CCDC85A: variants seen among roughly 807,000 people sequenced by gnomAD.
CCDC85A encodes coiled-coil domain containing 85A, also known as coiled-coil domain-containing protein 85A.
Under a neutral mutation model 50.2 loss-of-function variants are expected in CCDC85A, and 38 were observed. That is an observed-to-expected ratio of 0.76 (90% CI 0.58 to 0.99). The LOEUF (loss-of-function observed/expected upper bound fraction) is 0.99, where lower values mean the gene tolerates loss of function less well. Ranked by LOEUF, CCDC85A falls within the 50% of genes least tolerant of loss-of-function variation. The pLI is 0.00. For missense variants in CCDC85A, 820 were observed against 742.0 expected (o/e 1.11, Z -1.22); for synonymous variants, 366 against 301.4 (o/e 1.21, Z -2.22).
intron 2 of CCDC85A, among the ~76,000 whole-genome samples, chr2:56,325,580 A>G (rs530184106): frequency 2.0e-5 from 3 of 152,242 alleles, no homozygotes; most frequent in Non-Finnish European, 2.9e-5. Context: ...CAGAGTGAAC[A>G]TTTCCTTGGA....
Position 56,184,710 on chromosome 2 carries a change from C to T in CCDC85A, c.86C>T (p.Pro29Leu), listed in dbSNP as rs1160922199. The T allele has an allele frequency of 3.9e-6, 6 of 1,529,496 alleles. No individual in the cohort carries two copies. Among genetic ancestry groups the T allele is most frequent in the South Asian group, 3.7e-5 (3 of 82,166 alleles). The allele number at this position is 1,529,496 out of a possible 1,614,324, so 94.7% of individuals were successfully genotyped here. Residue 29 changes from proline to leucine, a missense_variant, in exon 1 of 6, where the codon CCG becomes CTG. Pro to Leu is a moderately conservative substitution (Grantham distance 98). Transcript: ENST00000407595. ...GCCCCGGCCGGCTCGTCCGCGGCCC[C>T]GCCCGCGCCGGTGGAGGACCTGTCC... ...SPAPAGSSAAPPAPVEDLSKV... is the reference protein window; with the variant it reads ...SPAPAGSSAALPAPVEDLSKV...
intron 2 of CCDC85A, among the ~76,000 whole-genome samples, chr2:56,215,577 GTT>G (rs11295380): frequency 0.044 from 6,074 of 136,900 alleles, 151 homozygotes; most frequent in Non-Finnish European, 0.054. Context: ...TTTGCTGATA[GTT>G]TTTTTTTTTT....
intron 3 of CCDC85A, among the ~76,000 whole-genome samples, chr2:56,362,622 G>A (rs1675588842): frequency 6.6e-6 from 1 of 151,498 alleles, no homozygotes; most frequent in Admixed American, 6.6e-5. Flanking sequence ...TTAAGATGAA[G>A]TCTCGCTCTG....
At chr2:56,331,512 A>G (rs1336107232) in intron 2 of CCDC85A, among the ~76,000 whole-genome samples, 1 of 152,226 alleles carries the variant, frequency 6.6e-6, no homozygotes, top group African/African-American at 2.4e-5. Flanking sequence ...ACAAAACTGC[A>G]CTTGTACCTT....
At chr2:56,209,081 G>A (rs952894621) in intron 2 of CCDC85A, among the ~76,000 whole-genome samples, 6 of 152,084 alleles carry the variant, frequency 3.9e-5, no homozygotes, top group African/African-American at 1.4e-4. Context: ...ACCCTGCTCT[G>A]AAGGCCTGGT....
At chr2:56,358,791 CT>C (rs34321150) in intron 3 of CCDC85A, among the ~76,000 whole-genome samples, 10 of 148,136 alleles carry the variant, frequency 6.8e-5, no homozygotes, top group South Asian at 4.3e-4. Flanking sequence ...TTTTTTCTTT[CT>C]TTTTTTTTTG....
intron 2 of CCDC85A, among the ~76,000 whole-genome samples, chr2:56,196,358 C>T (rs1676518841): frequency 6.6e-6 from 1 of 152,210 alleles, no homozygotes; most frequent in Non-Finnish European, 1.5e-5. Flanking sequence ...TCTAGGCATT[C>T]AGGCATTTGT....
chr2:56,201,839 T>G (rs2103852812), intron 2 of CCDC85A, among the ~76,000 whole-genome samples: 1 of 152,238 alleles, frequency 6.6e-6, no homozygotes, highest in Non-Finnish European at 1.5e-5. Context: ...ATCATAGAAC[T>G]TAAAGCCATA....
At chr2:56,191,893 C>G (rs1455051273) in intron 1 of CCDC85A, among the ~76,000 whole-genome samples, 1 of 152,314 alleles carries the variant, frequency 6.6e-6, no homozygotes, top group East Asian at 1.9e-4. Flanking sequence ...TTGCTGTTTA[C>G]TCTGTTGAAA....
chr2:56,342,149 G>A (rs1674404104), intron 2 of CCDC85A, among the ~76,000 whole-genome samples: 1 of 150,936 alleles, frequency 6.6e-6, no homozygotes, highest in Non-Finnish European at 1.5e-5. Context: ...GAGGCTGGTT[G>A]GTGTGCAAAA....
intron 5 of CCDC85A, 48 bp downstream of exon 5, chr2:56,375,983 C>T (rs72803075): frequency 8.8e-6 from 14 of 1,590,946 alleles, no homozygotes; most frequent in South Asian, 2.3e-5. Context: ...GTTGTGTCGT[C>T]GCTTGTTCGC....
intron 2 of CCDC85A, among the ~76,000 whole-genome samples, chr2:56,193,764 T>G (rs1676420323): frequency 6.6e-6 from 1 of 152,058 alleles, no homozygotes; most frequent in Non-Finnish European, 1.5e-5. Context: ...ATTCTAAGAG[T>G]CTTTCATCTT....
intron 2 of CCDC85A, among the ~76,000 whole-genome samples, chr2:56,303,576 A>T (rs1019185438): frequency 6.6e-6 from 1 of 152,132 alleles, no homozygotes; most frequent in Non-Finnish European, 1.5e-5. Context: ...TTCTAAGGAT[A>T]GTAATTGCTG....
At chr2:56,306,215 C>T (rs548749347) in intron 2 of CCDC85A, among the ~76,000 whole-genome samples, 10 of 152,170 alleles carry the variant, frequency 6.6e-5, no homozygotes, top group South Asian at 2.1e-4. Context: ...GTACAACCTC[C>T]GCCTCCCGGG....
chr2:56,356,885 T>C (rs1026099358), intron 3 of CCDC85A, among the ~76,000 whole-genome samples: 1 of 151,862 alleles, frequency 6.6e-6, no homozygotes, highest in East Asian at 1.9e-4. Context: ...CTGGCTAACA[T>C]GGTGAAACCC....
chr2:56,366,386 G>A (rs1372287822), intron 3 of CCDC85A, among the ~76,000 whole-genome samples: 6 of 152,094 alleles, frequency 3.9e-5, no homozygotes, highest in Non-Finnish European at 8.8e-5. Context: ...GTGTGCAAGG[G>A]TTCCCATCTC....
intron 2 of CCDC85A, among the ~76,000 whole-genome samples, chr2:56,330,834 A>G (rs1399764335): frequency 2.0e-5 from 3 of 152,210 alleles, no homozygotes; most frequent in Non-Finnish European, 4.4e-5. Context: ...GAGAACTAAA[A>G]ATAGAACTAC....
At chr2:56,295,406 A>T (rs1485149457) in intron 2 of CCDC85A, among the ~76,000 whole-genome samples, 1 of 152,224 alleles carries the variant, frequency 6.6e-6, no homozygotes, top group Non-Finnish European at 1.5e-5. Context: ...ACAAATGGGC[A>T]GATTTTGCCT....
chr2:56,273,740 G>C (rs1670800943), intron 2 of CCDC85A, among the ~76,000 whole-genome samples: 1 of 151,532 alleles, frequency 6.6e-6, no homozygotes, highest in South Asian at 2.1e-4. Flanking sequence ...GGAAGTCCCA[G>C]GACAACAGCT....
Sources: gnomAD v4.1 joint callset for allele counts (sites outside exome capture counted in the v4.1 genomes callset) on GRCh38, gnomAD v4.1.1 for gene constraint, MANE v1.5 for transcripts, NCBI Gene and HGNC (gene_info 2026-07-23, HGNC 2026-07-21) for gene names.